Variants in NBEA observed in about 807,000 individuals in gnomAD.
The protein encoded by NBEA is lysosomal-trafficking regulator 2.
NBEA carries 44 observed loss-of-function variants against 343.4 expected under a neutral mutation model. The observed-to-expected ratio is 0.13, with a 90% confidence interval of 0.10 to 0.16. The LOEUF (loss-of-function observed/expected upper bound fraction) is 0.16, where lower values mean the gene tolerates loss of function less well. Ranked by LOEUF, NBEA falls within the 10% of genes least tolerant of loss-of-function variation. The pLI, the probability that NBEA is intolerant of heterozygous loss-of-function variation, is 1.00. For synonymous variants in NBEA, 1,175 were observed against 1,238.7 expected (o/e 0.95, Z 1.08); for missense variants, 2,555 against 3,631.3 (o/e 0.70, Z 7.62).
At position 34,942,961 on chromosome 13, in the gene NBEA, G is replaced by C. The variant is rs756655898; in HGVS notation, c.141G>C (p.Gly47=). The change falls in exon 1 of 59, where the codon GGG becomes GGC. Residue 47 remains glycine, a synonymous_variant. Coordinates refer to ENST00000379939, the MANE Select transcript of NBEA (RefSeq NM_001385012.1). ...TGGSGMGELR[G]ASGSGSVMLP... ...GCAGCGGGATGGGGGAGCTAAGGGG[G>C]GCGTCCGGCTCCGGCTCGGTGATGC... 8.1e-5 allele frequency: 130 copies of C among 1,599,358 alleles called. No individual in the cohort carries two copies. Among genetic ancestry groups the C allele is most frequent in the Non-Finnish European group, 1.1e-4 (129 of 1,173,334 alleles).
Position 35,041,267 on chromosome 13 carries a change from G to C in NBEA, c.526+103G>C, listed in dbSNP as rs746553311. On this transcript the variant is annotated intron_variant, in intron 2 of 58. Coordinates refer to ENST00000379939, the MANE Select transcript of NBEA (RefSeq NM_001385012.1). ...AATGTAGATTTGTTGACATTACTTT[G>C]ATTTAAAATAAATGGAAATGTGTGG... 2.6e-5 allele frequency: 25 copies of C among 956,858 alleles called. No individual in the cohort carries two copies. In the African/African-American group the frequency reaches 3.5e-4, roughly 13 times the overall value. 59.3% of individuals were successfully genotyped at this position (956,858 alleles called of 1,614,324 possible). A position where few individuals can be genotyped will look rare whatever the true frequency, so the allele number is the denominator to read the frequency against.
chr13:35,029,282 T>A (rs1200712804), intron 1 of NBEA, among the ~76,000 whole-genome samples: 2 of 151,390 alleles, frequency 1.3e-5, no homozygotes, highest in Non-Finnish European at 1.5e-5. Flanking sequence ...TGTGGATGGC[T>A]GTAATGGGAG....
intron 33 of NBEA, among the ~76,000 whole-genome samples, chr13:35,220,047 CTT>C (rs1350262303): frequency 3.9e-5 from 6 of 152,094 alleles, no homozygotes; most frequent in African/African-American, 7.2e-5. Flanking sequence ...AGAATACACA[CTT>C]TGAGAAACAG....
At chr13:35,400,273 A>G (rs1275164100) in intron 38 of NBEA, among the ~76,000 whole-genome samples, 2 of 150,208 alleles carry the variant, frequency 1.3e-5, no homozygotes, top group East Asian at 2.0e-4. Context: ...AGATATGGCT[A>G]TGCTTAATTT....
intron 40 of NBEA, among the ~76,000 whole-genome samples, chr13:35,470,139 C>A (rs1375847275): frequency 6.6e-6 from 1 of 152,162 alleles, no homozygotes; most frequent in Non-Finnish European, 1.5e-5. Flanking sequence ...ACTATTAATG[C>A]TGAATATTTC....
At position 35,182,341 on chromosome 13, in the gene NBEA, G is replaced by A; in HGVS notation, c.4663-19G>A. On this transcript the variant is annotated intron_variant, in intron 28 of 58. Transcript: ENST00000379939. ...TTCAAAAAGTTTGAGTGTTAAAACT[G>A]TCTTTTCATTTTTCATAGGATGATA... 6.3e-7 allele frequency: 1 copy of A among 1,586,850 alleles called. No individual in the cohort carries two copies. The highest frequency in any genetic ancestry group is 8.5e-7 in the Non-Finnish European group (1 of 1,170,828).
chr13:35,090,002 T>C (rs942728617), intron 10 of NBEA, among the ~76,000 whole-genome samples: 1 of 151,314 alleles, frequency 6.6e-6, no homozygotes, highest in Non-Finnish European at 1.5e-5. Context: ...ATGGCACATG[T>C]ATACATATGT....
At chr13:35,616,663 TC>T (rs1385208111) in intron 48 of NBEA, among the ~76,000 whole-genome samples, 2 of 152,224 alleles carry the variant, frequency 1.3e-5, no homozygotes, top group African/African-American at 4.8e-5. Context: ...AGGTTTTCCC[TC>T]TTACTGTAAG....
At chr13:35,449,031 T>C (rs2046176669) in intron 39 of NBEA, among the ~76,000 whole-genome samples, 3 of 152,122 alleles carry the variant, frequency 2.0e-5, no homozygotes, top group African/African-American at 7.2e-5. Flanking sequence ...GGAATAACAT[T>C]AGCATGGGTA....
At chr13:35,566,868 G>A (rs756019420) in intron 44 of NBEA, 37 bp from the exon 45 acceptor site, 5 of 1,119,480 alleles carry the variant, frequency 4.5e-6, no homozygotes, top group African/African-American at 3.1e-5. Flanking sequence ...TAAGCATTTT[G>A]TGTGTACAAA....
In NBEA at chr13:35,520,778, C is replaced by T. The variant is rs115122253; in HGVS notation, c.6586-29699C>T. Among the ~76,000 whole-genome samples, 1,422 of 152,306 alleles carry T rather than the reference C, an allele frequency of 9.3e-3. 26 individuals are homozygous for T. Among genetic ancestry groups the T allele is most frequent in the African/African-American group, 0.033 (1,373 of 41,574 alleles). On this transcript the variant is annotated intron_variant, in intron 41 of 58. Coordinates refer to ENST00000379939, the MANE Select transcript of NBEA (RefSeq NM_001385012.1). ...TTCTGGCGTCTCACAACTGTCCTCT[C>T]CCTTTAGCCCTCAGACTCCTTTAAA...
At chr13:35,014,816 G>T (rs2061595864) in intron 1 of NBEA, among the ~76,000 whole-genome samples, 2 of 151,988 alleles carry the variant, frequency 1.3e-5, no homozygotes, top group Admixed American at 6.6e-5. Context: ...GGTTGCCCAG[G>T]CCTTGGCTGC....
At chr13:35,574,757 ATT>A (rs112167156) in intron 45 of NBEA, among the ~76,000 whole-genome samples, 100 of 145,248 alleles carry the variant, frequency 6.9e-4, no homozygotes, top group African/African-American at 1.5e-3. Flanking sequence ...GTGCCAATAG[ATT>A]TTTTTTTTTT....
At chr13:35,436,029 A>G (rs1245819545) in intron 39 of NBEA, among the ~76,000 whole-genome samples, 1 of 152,146 alleles carries the variant, frequency 6.6e-6, no homozygotes, top group Non-Finnish European at 1.5e-5. Flanking sequence ...GAAAATCTGA[A>G]AAGCAATATA....
At chr13:35,044,122 T>C (rs1434738492) in intron 2 of NBEA, among the ~76,000 whole-genome samples, 1 of 152,146 alleles carries the variant, frequency 6.6e-6, no homozygotes, top group Admixed American at 6.6e-5. Context: ...GGTGTGTCTG[T>C]TATATGCACA....
intron 56 of NBEA, among the ~76,000 whole-genome samples, chr13:35,666,929 T>C (rs926001949): frequency 6.6e-6 from 1 of 152,242 alleles, no homozygotes; most frequent in South Asian, 2.1e-4. Context: ...AGGTAAAATG[T>C]ACTTGACGGC....
chr13:35,045,333 G>C lies in NBEA; in HGVS notation c.655G>C (p.Val219Leu). ...WPRHAVKLLS[V>L]LNQMPQRHGP... ...AAGACATGCAGTAAAATTATTATCA[G>C]TTCTTAATCAGATGCCACAGAGACA... Residue 219 changes from valine to leucine, a missense_variant, in exon 4 of 59, where the codon GTT (valine) becomes CTT (leucine). Physicochemically the swap from Val to Leu is conservative, Grantham distance 32 (BLOSUM62 1). This residue lies in a region of NBEA where 185 missense variants were observed against 290.6 expected (regional missense o/e 0.64). Coordinates refer to ENST00000379939, the MANE Select transcript of NBEA (RefSeq NM_001385012.1). 6.2e-7 allele frequency: 1 copy of C among 1,611,506 alleles called. No individual in the cohort carries two copies. Among genetic ancestry groups the C allele is most frequent in the Non-Finnish European group, 8.5e-7 (1 of 1,178,866 alleles).
chr13:35,430,684 A>G (rs946895185), intron 38 of NBEA, among the ~76,000 whole-genome samples: 1 of 152,154 alleles, frequency 6.6e-6, no homozygotes, highest in Admixed American at 6.5e-5. Flanking sequence ...GAAATTTTAG[A>G]TAACATTAGC....
At chr13:35,127,639 T>C (rs983357089) in intron 17 of NBEA, among the ~76,000 whole-genome samples, 14 of 152,088 alleles carry the variant, frequency 9.2e-5, no homozygotes, top group African/African-American at 3.4e-4. Context: ...TTTGATGATG[T>C]AGATGAAAGG....
Sources: allele counts gnomAD v4.1 joint callset (sites outside exome capture counted in the v4.1 genomes callset), GRCh38; gene constraint gnomAD v4.1.1; regional missense constraint gnomAD v4.1.1; transcripts MANE v1.5; gene names NCBI Gene and HGNC (gene_info 2026-07-23, HGNC 2026-07-21).